Variants in MYRIP observed in about 807,000 individuals in gnomAD.
The protein encoded by MYRIP is myosin VIIA and Rab interacting protein, also known as rab effector MyRIP.
MYRIP carries 49 observed loss-of-function variants against 98.0 expected under a neutral mutation model. That is an observed-to-expected ratio of 0.50 (90% CI 0.40 to 0.63). The LOEUF is 0.63. Ranked by LOEUF, MYRIP falls within the 30% of genes least tolerant of loss-of-function variation. MYRIP has a pLI of 0.00. For missense variants in MYRIP, 1,004 were observed against 1,058.2 expected (o/e 0.95, Z 0.71); for synonymous variants, 404 against 409.5 (o/e 0.99, Z 0.16).
chr3:39,826,594 T>C (rs1247234169), intron 1 of MYRIP, among the ~76,000 whole-genome samples: 1 of 152,164 alleles, frequency 6.6e-6, no homozygotes, highest in African/African-American at 2.4e-5. Context: ...TTGAGAATGT[T>C]ATATGCGCTG....
chr3:40,068,240 A>T (rs934171779), intron 3 of MYRIP, among the ~76,000 whole-genome samples: 1 of 152,232 alleles, frequency 6.6e-6, no homozygotes, highest in Non-Finnish European at 1.5e-5. Context: ...ACAAAATTAC[A>T]TGAACTTATT....
chr3:39,913,350 TCAAAA>T (rs1944072732), intron 2 of MYRIP, among the ~76,000 whole-genome samples: 1 of 152,222 alleles, frequency 6.6e-6, no homozygotes, highest in Non-Finnish European at 1.5e-5. Flanking sequence ...ACACAAGGCC[TCAAAA>T]CAAAACACAT....
At chr3:39,831,508 C>T (rs949437817) in intron 1 of MYRIP, among the ~76,000 whole-genome samples, 2 of 152,060 alleles carry the variant, frequency 1.3e-5, no homozygotes, top group Non-Finnish European at 2.9e-5. Context: ...TGGCTTAAAA[C>T]TTTTTCTTAA....
In MYRIP at chr3:40,190,100, C is replaced by A; in HGVS notation, c.1302C>A (p.Gly434=). The A allele has an allele frequency of 6.2e-7, 1 of 1,614,012 alleles. No individual in the cohort carries two copies. The highest frequency in any genetic ancestry group is 8.5e-7 in the Non-Finnish European group (1 of 1,179,950). The change falls in exon 10 of 17, where the codon GGC becomes GGA. Residue 434 remains glycine (G), a synonymous_variant. Coordinates refer to ENST00000302541, the MANE Select transcript of MYRIP (RefSeq NM_015460.4). Reference sequence around the variant, plus strand: ...CACAGGCCCAGAGCTCTGACCAAGGCCCCATAGCTGCCTCCCCATCCTCTG... The same window carrying A: ...CACAGGCCCAGAGCTCTGACCAAGGACCCATAGCTGCCTCCCCATCCTCTG... ...QPTQAQSSDQ[G]PIAASPSSAL...
At chr3:40,084,903 T>G (rs1192982381) in intron 3 of MYRIP, among the ~76,000 whole-genome samples, 3 of 135,684 alleles carry the variant, frequency 2.2e-5, no homozygotes, top group African/African-American at 8.1e-5. Context: ...ATAATATATA[T>G]CTATGTGTTA....
At chr3:39,927,662 GA>G (rs947482918) in intron 2 of MYRIP, among the ~76,000 whole-genome samples, 5 of 151,848 alleles carry the variant, frequency 3.3e-5, no homozygotes, top group Non-Finnish European at 5.9e-5. Flanking sequence ...AAAAACCAAG[GA>G]GAAGGAACTT....
At chr3:39,986,969 A>G (rs1171278661) in intron 2 of MYRIP, among the ~76,000 whole-genome samples, 2 of 152,018 alleles carry the variant, frequency 1.3e-5, no homozygotes, top group Non-Finnish European at 2.9e-5. Context: ...CATGTTAACA[A>G]GATTCCCTGT....
intron 1 of MYRIP, among the ~76,000 whole-genome samples, chr3:39,870,395 T>C (rs1297728955): frequency 6.6e-6 from 1 of 152,198 alleles, no homozygotes; most frequent in African/African-American, 2.4e-5. Context: ...AACTGACAGG[T>C]GTCATGGGAG....
chr3:40,149,592 G>T (rs1040288902), intron 3 of MYRIP, among the ~76,000 whole-genome samples: 2 of 152,158 alleles, frequency 1.3e-5, no homozygotes, highest in African/African-American at 4.8e-5. Context: ...TTGCTCATTT[G>T]TTAGGGTGTA....
chr3:39,973,905 G>C (rs534289425), intron 2 of MYRIP, among the ~76,000 whole-genome samples: 113 of 152,326 alleles, frequency 7.4e-4, no homozygotes, highest in Middle Eastern at 3.4e-3. Flanking sequence ...AAAGCAGTGT[G>C]TAGAGGGAAA....
At chr3:40,129,688 ACT>A (rs1559412674) in intron 3 of MYRIP, among the ~76,000 whole-genome samples, 1 of 151,938 alleles carries the variant, frequency 6.6e-6, no homozygotes, top group African/African-American at 2.4e-5. Context: ...TCCCATGTAA[ACT>A]CTTAGTTTGC....
At chr3:39,873,936 G>A in intron 1 of MYRIP, among the ~76,000 whole-genome samples, 1 of 151,204 alleles carries the variant, frequency 6.6e-6, no homozygotes. Context: ...GGGCAGTATG[G>A]CCATTTTCAT....
intron 3 of MYRIP, among the ~76,000 whole-genome samples, chr3:40,049,329 G>C (rs913821206): frequency 1.3e-5 from 2 of 152,056 alleles, no homozygotes; most frequent in Non-Finnish European, 2.9e-5. Context: ...TCTATGTCAC[G>C]TTTTGGTAAT....
At chr3:40,125,144 T>C (rs1314659235) in intron 3 of MYRIP, among the ~76,000 whole-genome samples, 1 of 152,256 alleles carries the variant, frequency 6.6e-6, no homozygotes, top group African/African-American at 2.4e-5. Context: ...CATGGGGCTT[T>C]GCAGCCAGAT....
intron 4 of MYRIP, among the ~76,000 whole-genome samples, chr3:40,157,259 G>T (rs1302794443): frequency 1.4e-5 from 2 of 146,522 alleles, no homozygotes; most frequent in African/African-American, 5.1e-5. Flanking sequence ...TAATCATGTG[G>T]TTTTTGTCTT....
chr3:40,016,441 A>G (rs933682471), intron 2 of MYRIP, among the ~76,000 whole-genome samples: 1 of 152,130 alleles, frequency 6.6e-6, no homozygotes, highest in East Asian at 1.9e-4. Context: ...TGGAGGCAAG[A>G]TCTCTGCCAA....
At chr3:40,035,413 A>G (rs943071900) in intron 2 of MYRIP, among the ~76,000 whole-genome samples, 3 of 151,976 alleles carry the variant, frequency 2.0e-5, no homozygotes, top group Admixed American at 6.6e-5. Flanking sequence ...AATGATTTGC[A>G]CTGAAAAGGT....
At chr3:40,160,557 G>C (rs1950362534) in intron 4 of MYRIP, among the ~76,000 whole-genome samples, 1 of 152,222 alleles carries the variant, frequency 6.6e-6, no homozygotes, top group Non-Finnish European at 1.5e-5. Flanking sequence ...GTTTACCTAA[G>C]TAAGCCTGGG....
At chr3:40,230,984 C>A (rs1157920473) in intron 11 of MYRIP, among the ~76,000 whole-genome samples, 2 of 152,158 alleles carry the variant, frequency 1.3e-5, no homozygotes, top group Non-Finnish European at 2.9e-5. Flanking sequence ...TGCCGCCACA[C>A]CTGGCTAATT....
Sources: allele counts gnomAD v4.1 joint callset (sites outside exome capture counted in the v4.1 genomes callset), GRCh38; gene constraint gnomAD v4.1.1; transcripts MANE v1.5; gene names NCBI Gene and HGNC (gene_info 2026-07-23, HGNC 2026-07-21).